The following DACH2 variants were observed in gnomAD, a reference collection of about 807,000 sequenced individuals.
DACH2 encodes the protein dachshund homolog 2.
DACH2 carries 17 observed loss-of-function variants against 35.8 expected under a neutral mutation model. The observed-to-expected ratio is 0.48, with a 90% CI of 0.33 to 0.71. The LOEUF is 0.71. Among genes scored for constraint, DACH2 ranks in the 30% least tolerant of loss-of-function variants. DACH2 has a pLI of 0.02. For missense variants in DACH2, 469 were observed against 472.7 expected (o/e 0.99, Z 0.07); for synonymous variants, 195 against 177.3 (o/e 1.10, Z -0.79).
At chrX:86,499,301 G>A (rs1224627847) in intron 2 of DACH2, among the ~76,000 whole-genome samples, 4 of 111,463 alleles carry the variant, frequency 3.6e-5, no homozygotes. Flanking sequence ...ACCCCTAAGG[G>A]ATGAGAGTTG....
Position 86,692,547 on chromosome X carries a change from T to A in DACH2, c.773-2474T>A, listed in dbSNP as rs1401254270. On this transcript the variant is annotated intron_variant, in intron 4 of 11. Coordinates refer to ENST00000373125, the MANE Select transcript of DACH2 (RefSeq NM_053281.3). ...AAATGTGATACACAAACCATGAGAATACTACCTAATGTACCATTTCATATT... is the reference window on the plus strand; with the variant it reads ...AAATGTGATACACAAACCATGAGAAAACTACCTAATGTACCATTTCATATT... 2.7e-5 allele frequency among the ~76,000 whole-genome samples: 3 copies of A among 112,247 alleles called. No homozygotes were observed. In the East Asian group the frequency reaches 8.4e-4, roughly 31 times the overall value.
chrX:86,647,717 T>C (rs776855453), intron 3 of DACH2, among the ~76,000 whole-genome samples: 52 of 110,609 alleles, frequency 4.7e-4, no homozygotes, highest in African/African-American at 1.7e-3. Flanking sequence ...ATATATAAAG[T>C]GGACAGGCAG....
rs776047523 is a variant in DACH2, at chrX:86,257,307, C to G, written c.488+108199C>G. On this transcript the variant is annotated intron_variant, in intron 1 of 11. Coordinates refer to ENST00000373125, the MANE Select transcript of DACH2 (RefSeq NM_053281.3). ...TCTTTATGTGCCTTATTGCATGTAACCTACTTTTGGGGTGTCTTGATATTT... is the reference window on the plus strand; with the variant it reads ...TCTTTATGTGCCTTATTGCATGTAAGCTACTTTTGGGGTGTCTTGATATTT... 6.2e-5 allele frequency among the ~76,000 whole-genome samples: 7 copies of G among 112,227 alleles called. No individual in the cohort carries two copies. In the East Asian group the frequency reaches 2.0e-3, roughly 31 times the overall value.
chrX:86,710,253 C>G (rs1447664186), intron 5 of DACH2, among the ~76,000 whole-genome samples: 1 of 111,773 alleles, frequency 8.9e-6, no homozygotes, highest in Non-Finnish European at 1.9e-5. Context: ...CTAAGTGAAA[C>G]AAATCAGTCT....
chrX:86,675,992 C>T (rs1480152858), intron 4 of DACH2, among the ~76,000 whole-genome samples: 1 of 111,758 alleles, frequency 8.9e-6, no homozygotes, highest in Non-Finnish European at 1.9e-5. Flanking sequence ...AATTGTATTG[C>T]TGAACATGTG....
intron 1 of DACH2, among the ~76,000 whole-genome samples, chrX:86,207,755 T>C (rs1451002310): frequency 9.0e-6 from 1 of 110,728 alleles, no homozygotes; most frequent in African/African-American, 3.3e-5. Flanking sequence ...AGGTAATGGG[T>C]GTTGGCGCTA....
intron 2 of DACH2, among the ~76,000 whole-genome samples, chrX:86,474,796 C>G (rs148288624): frequency 2.7e-5 from 3 of 111,761 alleles, no homozygotes; most frequent in Non-Finnish European, 5.6e-5. Flanking sequence ...TGCAATGGCA[C>G]GATCTTGGCT....
intron 1 of DACH2, among the ~76,000 whole-genome samples, chrX:86,253,765 G>A (rs2033448353): frequency 9.0e-6 from 1 of 111,587 alleles, no homozygotes; most frequent in Non-Finnish European, 1.9e-5. Flanking sequence ...AGGAAACTCT[G>A]GGATGTAAGA....
intron 1 of DACH2, among the ~76,000 whole-genome samples, chrX:86,326,783 T>C (rs2035123509): frequency 9.0e-6 from 1 of 111,712 alleles, no homozygotes; most frequent in African/African-American, 3.3e-5. Context: ...TGAGAACATA[T>C]GGTTAAAAAA....
At chrX:86,685,730 C>A (rs1199614568) in intron 4 of DACH2, among the ~76,000 whole-genome samples, 2 of 110,601 alleles carry the variant, frequency 1.8e-5, no homozygotes, top group Non-Finnish European at 3.8e-5. Flanking sequence ...CATCACATGG[C>A]AAAAGCAGTA....
At position 86,721,718 on chromosome X, in the gene DACH2, T is replaced by G. The variant is rs1251628219; in HGVS notation, c.1104+6998T>G. Among the ~76,000 whole-genome samples, 4 of 111,629 alleles carry G rather than the reference T, an allele frequency of 3.6e-5. No homozygotes were observed. The East Asian group carries it at 1.1e-3, about 32-fold the overall frequency. ...CCATACAATTTACTATATTAGCTCA[T>G]TCTCATGATGCTATGAGACTGAGTA... On this transcript the variant is annotated intron_variant, in intron 6 of 11. Coordinates refer to ENST00000373125, the MANE Select transcript of DACH2 (RefSeq NM_053281.3).
At chrX:86,638,437 CAG>C (rs2040305205) in intron 3 of DACH2, among the ~76,000 whole-genome samples, 1 of 111,474 alleles carries the variant, frequency 9.0e-6, no homozygotes, top group Non-Finnish European at 1.9e-5. Context: ...AAATTTGGCA[CAG>C]AAAAAGAAAT....
chrX:86,367,160 T>C (rs1023417254), intron 1 of DACH2, among the ~76,000 whole-genome samples: 1 of 111,148 alleles, frequency 9.0e-6, no homozygotes. Context: ...TCAATGTACA[T>C]AGAGATAGAC....
intron 3 of DACH2, among the ~76,000 whole-genome samples, chrX:86,527,278 C>A (rs967995194): frequency 2.7e-4 from 30 of 111,585 alleles, no homozygotes; most frequent in African/African-American, 9.7e-4. Flanking sequence ...CTGTTGCTCA[C>A]CTATGAAACC....
chrX:86,221,270 T>G (rs1417493310), intron 1 of DACH2, among the ~76,000 whole-genome samples: 1 of 112,060 alleles, frequency 8.9e-6, no homozygotes, highest in Non-Finnish European at 1.9e-5. Context: ...TTTCATTCTT[T>G]TATGTGTGGT....
intron 3 of DACH2, among the ~76,000 whole-genome samples, chrX:86,578,093 A>C (rs2039457305): frequency 9.0e-6 from 1 of 111,629 alleles, no homozygotes; most frequent in Admixed American, 9.5e-5. Context: ...CAGAACTTTC[A>C]GAGACCCAGG....
intron 1 of DACH2, among the ~76,000 whole-genome samples, chrX:86,249,079 T>TA (rs1387843406): frequency 2.7e-5 from 3 of 111,289 alleles, no homozygotes; most frequent in Non-Finnish European, 5.7e-5. Flanking sequence ...AACTTATAGG[T>TA]AAAACCTACA....
At chrX:86,294,379 G>T (rs375131994) in intron 1 of DACH2, among the ~76,000 whole-genome samples, 2 of 109,373 alleles carry the variant, frequency 1.8e-5, no homozygotes, top group Admixed American at 9.8e-5. Context: ...ATGTCCTCCC[G>T]TAGCTCAGAG....
intron 7 of DACH2, among the ~76,000 whole-genome samples, chrX:86,752,821 A>T (rs142115712): frequency 0.031 from 3,472 of 111,554 alleles, 136 homozygotes; most frequent in African/African-American, 0.11. Flanking sequence ...ATATTTGTAC[A>T]TTTGTATTCA....
Sources: gnomAD v4.1 joint callset for allele counts (sites outside exome capture counted in the v4.1 genomes callset) on GRCh38, gnomAD v4.1.1 for gene constraint, MANE v1.5 for transcripts, NCBI Gene and HGNC (gene_info 2026-07-23, HGNC 2026-07-21) for gene names.